Variants in ABTB3 observed in about 807,000 individuals in gnomAD.
The protein encoded by ABTB3 is ankyrin repeat- and BTB/POZ domain-containing protein 3.
At chr12:107,457,092 C>T in the ABTB3 span, among the ~76,000 whole-genome samples, 3 of 152,160 alleles carry the variant, frequency 2.0e-5, no homozygotes, top group Non-Finnish European at 4.4e-5. Flanking sequence ...GAACTCCTGA[C>T]CTCAGTTGAT....
the ABTB3 span, among the ~76,000 whole-genome samples, chr12:107,427,012 A>G: frequency 6.6e-6 from 1 of 152,178 alleles, no homozygotes; most frequent in Admixed American, 6.5e-5. Flanking sequence ...TGTTGCTGCT[A>G]TAGCAAATTA....
the ABTB3 span, among the ~76,000 whole-genome samples, chr12:107,412,709 T>G: frequency 6.6e-6 from 1 of 151,736 alleles, no homozygotes; most frequent in African/African-American, 2.4e-5. Context: ...GGCAGTGGGG[T>G]GAGGTGGGAG....
the ABTB3 span, among the ~76,000 whole-genome samples, chr12:107,555,573 G>GA: frequency 6.6e-6 from 1 of 151,768 alleles, no homozygotes; most frequent in Non-Finnish European, 1.5e-5. Context: ...TGGGAAAACG[G>GA]AAAAAAAATC....
the ABTB3 span, among the ~76,000 whole-genome samples, chr12:107,348,688 G>C: frequency 1.3e-5 from 2 of 152,180 alleles, no homozygotes; most frequent in African/African-American, 4.8e-5. Flanking sequence ...TTGTGCCACT[G>C]CACTCCAGCC....
chr12:107,457,788 C>T, the ABTB3 span, among the ~76,000 whole-genome samples: 154 of 152,338 alleles, frequency 1.0e-3, no homozygotes, highest in African/African-American at 3.5e-3. Flanking sequence ...CTTGGCAGAA[C>T]GGGCAAAGAG....
the ABTB3 span, among the ~76,000 whole-genome samples, chr12:107,415,531 A>G: frequency 1.3e-5 from 2 of 151,716 alleles, no homozygotes; most frequent in East Asian, 3.9e-4. Flanking sequence ...ACATGGTGAA[A>G]CCCCGTCTCT....
At chr12:107,596,592 G>A in the ABTB3 span, among the ~76,000 whole-genome samples, 1 of 152,134 alleles carries the variant, frequency 6.6e-6, no homozygotes, top group Admixed American at 6.5e-5. Flanking sequence ...TCTAGCCTGG[G>A]CGACAGAGCA....
the ABTB3 span, among the ~76,000 whole-genome samples, chr12:107,546,398 A>G: frequency 1.3e-5 from 2 of 152,054 alleles, no homozygotes; most frequent in Non-Finnish European, 2.9e-5. Flanking sequence ...TGGCCTGGTC[A>G]CCCCAGTCAG....
the ABTB3 span, among the ~76,000 whole-genome samples, chr12:107,508,434 A>ATTTTTTTTTTTTTTTTTTTTTTTTTTT: frequency 3.4e-5 from 2 of 58,716 alleles, no homozygotes; most frequent in African/African-American, 5.3e-5. Context: ...CTCAAAGATC[A>ATTTTTTTTTTTTTTTTTTTTTTTTTTT]TTTCTTTTTT....
At chr12:107,594,636 G>GA in the ABTB3 span, among the ~76,000 whole-genome samples, 4 of 152,208 alleles carry the variant, frequency 2.6e-5, no homozygotes, top group South Asian at 2.1e-4. Context: ...AAAGAAAAGG[G>GA]AAAAAATCAT....
the ABTB3 span, among the ~76,000 whole-genome samples, chr12:107,496,114 G>A: frequency 6.6e-6 from 1 of 152,176 alleles, no homozygotes; most frequent in African/African-American, 2.4e-5. Flanking sequence ...TCCAGCGTGT[G>A]CATAACAATG....
the ABTB3 span, among the ~76,000 whole-genome samples, chr12:107,366,537 G>C: frequency 6.6e-6 from 1 of 152,154 alleles, no homozygotes; most frequent in African/African-American, 2.4e-5. Context: ...GCTGGGGAGT[G>C]GGCTAGGAGG....
chr12:107,398,063 C>A, the ABTB3 span, among the ~76,000 whole-genome samples: 1 of 152,180 alleles, frequency 6.6e-6, no homozygotes, highest in Non-Finnish European at 1.5e-5. Context: ...GAAGGCCCTT[C>A]ATTCCTCTGC....
At chr12:107,333,127 T>C in the ABTB3 span, among the ~76,000 whole-genome samples, 2 of 152,098 alleles carry the variant, frequency 1.3e-5, no homozygotes, top group African/African-American at 4.8e-5. Context: ...CCCTCCCTCA[T>C]TCCTTATGGG....
the ABTB3 span, among the ~76,000 whole-genome samples, chr12:107,396,301 T>C: frequency 9.2e-5 from 14 of 152,240 alleles, no homozygotes; most frequent in Admixed American, 1.3e-4. Flanking sequence ...CCTTCTTCCC[T>C]GCCTGCACTG....
chr12:107,594,264 G>A, the ABTB3 span, among the ~76,000 whole-genome samples: 79 of 152,220 alleles, frequency 5.2e-4, no homozygotes, highest in East Asian at 7.9e-3. Flanking sequence ...GGGTGTTTGC[G>A]CCCTTGCTTT....
At chr12:107,556,363 T>A in the ABTB3 span, among the ~76,000 whole-genome samples, 1 of 152,152 alleles carries the variant, frequency 6.6e-6, no homozygotes, top group African/African-American at 2.4e-5. Flanking sequence ...CCCAGAGTGC[T>A]GGGATTACAG....
At chr12:107,546,864 C>G in the ABTB3 span, among the ~76,000 whole-genome samples, 1 of 152,034 alleles carries the variant, frequency 6.6e-6, no homozygotes, top group Non-Finnish European at 1.5e-5. Context: ...GATTCCATCT[C>G]AAAATAAATT....
At chr12:107,602,627 A>G in the ABTB3 span, among the ~76,000 whole-genome samples, 1 of 152,230 alleles carries the variant, frequency 6.6e-6, no homozygotes, top group Non-Finnish European at 1.5e-5. Flanking sequence ...AAGATCACAC[A>G]ACTGCCAAAT....
Sources: gnomAD v4.1 joint callset for allele counts (sites outside exome capture counted in the v4.1 genomes callset) on GRCh38, gnomAD v4.1.1 for gene constraint, MANE v1.5 for transcripts, NCBI Gene and HGNC (gene_info 2026-07-23, HGNC 2026-07-21) for gene names.